FBXO16: variants seen among roughly 807,000 people sequenced by gnomAD.
FBXO16 encodes F-box protein 16, also known as F-box only protein 16.
A neutral mutation model predicts 41.0 loss-of-function variants in FBXO16; 31 were observed. The observed-to-expected ratio is 0.76, with a 90% CI of 0.57 to 1.02. The LOEUF is 1.02. FBXO16 is among the 50% of genes least tolerant of loss of function. FBXO16 has a pLI of 0.00. For synonymous variants in FBXO16, 133 were observed against 117.8 expected, an observed-to-expected ratio of 1.13 and a Z score of -0.84; for missense variants, 361 against 346.2, an observed-to-expected ratio of 1.04 and a Z score of -0.34.
In FBXO16 at chr8:28,438,217, G is replaced by A. The variant is rs141926975; in HGVS notation, c.844-8814C>T. On this transcript the variant is annotated intron_variant, in intron 7 of 8. Transcript: ENST00000380254. The stretch of plus-strand genomic sequence containing the variant: ...TGTAATCCCAGCTACTTGGGAGGCT[G>A]AGGCATGAGAATTACTTGAACCTGA... Among the ~76,000 whole-genome samples the A allele has an allele frequency of 4.6e-5, 7 of 152,256 alleles. No homozygotes were observed. In the East Asian group the frequency reaches 1.2e-3, roughly 25 times the overall value.
intron 4 of FBXO16, among the ~76,000 whole-genome samples, chr8:28,460,245 A>ATATATATTT (rs1477457728): frequency 1.2e-5 from 1 of 85,484 alleles, no homozygotes; most frequent in African/African-American, 6.3e-5. Flanking sequence ...ATATATATAT[A>ATATATATTT]TTTTTTTTTT....
At chr8:28,459,623 AAAT>A (rs57120891) in intron 4 of FBXO16, among the ~76,000 whole-genome samples, 16,129 of 137,756 alleles carry the variant, frequency 0.12, 943 homozygotes, top group African/African-American at 0.14. Context: ...CCTGTCTCAA[AAAT>A]AATAATAATA....
At position 28,462,336 on chromosome 8, in the gene FBXO16, T is replaced by G. The variant is rs189640195; in HGVS notation, c.342+1276A>C. On this transcript the variant is annotated intron_variant, in intron 4 of 8. Coordinates refer to ENST00000380254, the MANE Select transcript of FBXO16 (RefSeq NM_172366.4). ...CTCTGTCGCTCAGGCTGGAGTGCAG[T>G]GGCGCATTCTCGGCTTACTGCAAGC... Among the ~76,000 whole-genome samples the G allele has an allele frequency of 4.3e-3, 649 of 150,076 alleles. 3 individuals are homozygous for G. Among genetic ancestry groups the G allele is most frequent in the African/African-American group, 0.015 (618 of 40,754 alleles).
At chr8:28,489,161 G>A (rs73557254) in intron 1 of FBXO16, among the ~76,000 whole-genome samples, 4,666 of 150,250 alleles carry the variant, frequency 0.031, 219 homozygotes, top group African/African-American at 0.1. Flanking sequence ...GTGAAACCTC[G>A]TCTCTACCAA....
At chr8:28,482,520 A>G (rs1296440796) in intron 2 of FBXO16, among the ~76,000 whole-genome samples, 3 of 152,068 alleles carry the variant, frequency 2.0e-5, no homozygotes, top group African/African-American at 4.8e-5. Context: ...GTATTCCGCT[A>G]GCACCTTCCC....
chr8:28,490,082 G>A (rs1219927470), intron 1 of FBXO16, 104 bp downstream of exon 1: 2 of 152,102 alleles, frequency 1.3e-5, no homozygotes, highest in African/African-American at 2.4e-5. Context: ...CAAATGAGAG[G>A]GCACAATGAA....
chr8:28,473,694 C>A, intron 3 of FBXO16, 78 bp downstream of exon 3: 3 of 1,241,000 alleles, frequency 2.4e-6, no homozygotes, highest in South Asian at 2.6e-5. Context: ...GCCACCCAGT[C>A]TGATTTTTTA....
chr8:28,463,318 A>G (rs1054448247), intron 4 of FBXO16, among the ~76,000 whole-genome samples: 5 of 147,528 alleles, frequency 3.4e-5, no homozygotes, highest in Admixed American at 6.7e-5. Context: ...GTGTGTGTGT[A>G]TATGTGTATG....
intron 7 of FBXO16, among the ~76,000 whole-genome samples, chr8:28,433,970 T>TC (rs1802650212): frequency 6.7e-6 from 1 of 149,582 alleles, no homozygotes; most frequent in African/African-American, 2.5e-5. Flanking sequence ...TTTTTTTTTT[T>TC]TTTTTTTTGA....
intron 6 of FBXO16, among the ~76,000 whole-genome samples, chr8:28,448,568 A>G (rs1802903443): frequency 6.6e-6 from 1 of 152,196 alleles, no homozygotes; most frequent in Non-Finnish European, 1.5e-5. Context: ...AGTTGGTGGC[A>G]TTACTACACA....
chr8:28,483,487 TC>T (rs1416510517), intron 1 of FBXO16, 25 bp from the exon 2 acceptor site: 1 of 1,529,240 alleles, frequency 6.5e-7, no homozygotes, highest in Non-Finnish European at 9.0e-7. Context: ...ACAACACCTA[TC>T]AGAAGAAGTG....
chr8:28,436,923 C>A (rs1041762147), intron 7 of FBXO16, among the ~76,000 whole-genome samples: 3 of 152,062 alleles, frequency 2.0e-5, no homozygotes, highest in Admixed American at 2.0e-4. Context: ...AGCTAACTTT[C>A]ATTTTTTGTA....
rs765603972 is a variant in FBXO16, at chr8:28,447,149, A to G, written c.843+22T>C. ...ATTTTCATTAATGTTATGGTGATGA[A>G]TCTTTCATAAACAATACTTACCATT... On this transcript the variant is annotated intron_variant, in intron 7 of 8. Coordinates refer to ENST00000380254, the MANE Select transcript of FBXO16 (RefSeq NM_172366.4). 63 of 1,581,450 alleles carry G rather than the reference A, an allele frequency of 4.0e-5. No homozygotes were observed. In the South Asian group the frequency reaches 7.1e-4, roughly 18 times the overall value.
At chr8:28,476,944 C>T (rs1372623387) in intron 2 of FBXO16, among the ~76,000 whole-genome samples, 1 of 152,204 alleles carries the variant, frequency 6.6e-6, no homozygotes, top group African/African-American at 2.4e-5. Flanking sequence ...TCCTATCCGT[C>T]ATCTTCCATA....
At chr8:28,466,783 T>A (rs1585912051) in intron 3 of FBXO16, among the ~76,000 whole-genome samples, 1 of 152,108 alleles carries the variant, frequency 6.6e-6, no homozygotes, top group South Asian at 2.1e-4. Context: ...ACGGGAGTTG[T>A]GGGCCTCACA....
intron 7 of FBXO16, among the ~76,000 whole-genome samples, chr8:28,445,340 G>T (rs548698674): frequency 9.9e-4 from 151 of 152,206 alleles, no homozygotes; most frequent in African/African-American, 3.3e-3. Flanking sequence ...TCCTGCTAGG[G>T]TTTGACAGAT....
At chr8:28,436,225 T>A (rs1053809040) in intron 7 of FBXO16, among the ~76,000 whole-genome samples, 1 of 152,150 alleles carries the variant, frequency 6.6e-6, no homozygotes, top group East Asian at 1.9e-4. Context: ...TTCAAGGACT[T>A]TCCATCTAGG....
At chr8:28,463,496 A>C in intron 4 of FBXO16, 116 bp downstream of exon 4, 1 of 947,402 alleles carries the variant, frequency 1.1e-6, no homozygotes, top group Non-Finnish European at 1.6e-6. Flanking sequence ...GTTTGTGTGT[A>C]TGTGTATATA....
intron 3 of FBXO16, among the ~76,000 whole-genome samples, chr8:28,468,261 T>C (rs1046743300): frequency 3.3e-5 from 5 of 152,190 alleles, no homozygotes; most frequent in African/African-American, 1.2e-4. Flanking sequence ...GGATGCCTTT[T>C]TTAAGGCTTT....
Sources: allele counts gnomAD v4.1 joint callset (sites outside exome capture counted in the v4.1 genomes callset), GRCh38; gene constraint gnomAD v4.1.1; transcripts MANE v1.5; gene names NCBI Gene and HGNC (gene_info 2026-07-23, HGNC 2026-07-21).